Variants in COL4A3 observed in about 807,000 individuals in gnomAD.
COL4A3 encodes the protein collagen alpha-3(IV) chain.
A neutral mutation model predicts 217.4 loss-of-function variants in COL4A3; 135 were observed. That is an observed-to-expected ratio of 0.62 (90% CI 0.54 to 0.72). The LOEUF (loss-of-function observed/expected upper bound fraction) is 0.72. Among genes scored for constraint, COL4A3 ranks in the 30% least tolerant of loss-of-function variants. The pLI is 0.00. For synonymous variants in COL4A3, 690 were observed against 736.3 expected (o/e 0.94, Z 1.02); for missense variants, 1,868 against 2,119.9 (o/e 0.88, Z 2.33).
intron 1 of COL4A3, among the ~76,000 whole-genome samples, chr2:227,218,759 A>G (rs138982011): frequency 6.6e-6 from 1 of 152,232 alleles, no homozygotes; most frequent in East Asian, 1.9e-4. Context: ...GACTTATAAA[A>G]GATATCTGAT....
intron 36 of COL4A3, 40 bp from the exon 37 acceptor site, chr2:227,290,707 T>C (rs755939032): frequency 6.2e-7 from 1 of 1,600,284 alleles, no homozygotes; most frequent in Non-Finnish European, 8.5e-7. Context: ...AAGATCCTCA[T>C]GTTTATCTAT....
At chr2:227,170,704 G>A (rs1204575326) in intron 1 of COL4A3, among the ~76,000 whole-genome samples, 2 of 152,116 alleles carry the variant, frequency 1.3e-5, no homozygotes, top group Non-Finnish European at 2.9e-5. Context: ...CTAAATAAAA[G>A]CAGTAATAGT....
In COL4A3 at chr2:227,282,565, A is replaced by C. The variant is rs373456582; in HGVS notation, c.2656+33A>C. 2 of 1,602,014 alleles carry C rather than the reference A, an allele frequency of 1.2e-6. No individual in the cohort carries two copies. Among genetic ancestry groups the C allele is most frequent in the Non-Finnish European group, 1.7e-6 (2 of 1,170,182 alleles). Reference sequence around the variant, plus strand: ...TTTGTGTGTTTCTATTTTTCTTCTTATTTCTTCTTCTTCTTAAGGTGGCTC... The same window carrying C: ...TTTGTGTGTTTCTATTTTTCTTCTTCTTTCTTCTTCTTCTTAAGGTGGCTC... On this transcript the variant is annotated intron_variant, in intron 32 of 51. Transcript: ENST00000396578. The surrounding 1 kb of genome is among the most constrained non-coding windows in gnomAD (Gnocchi z 4.4).
intron 1 of COL4A3, among the ~76,000 whole-genome samples, chr2:227,218,085 T>TAC (rs1442752705): frequency 1.1e-5 from 1 of 93,722 alleles, no homozygotes; most frequent in Non-Finnish European, 2.2e-5. Flanking sequence ...TATAGCTATA[T>TAC]ATATATATAT....
Position 227,297,701 on chromosome 2 carries a change from G to A in COL4A3, c.3593G>A (p.Gly1198Asp), listed in dbSNP as rs755849032. The A allele has an allele frequency of 1.2e-6, 2 of 1,609,066 alleles. No homozygotes were observed. Among genetic ancestry groups the A allele is most frequent in the Admixed American group, 3.4e-5 (2 of 59,298 alleles). ...GCCAAAGGAGACAGGGGAGCCCCAG[G>A]TTTTCCTGGCCTCCCGGGCAGAAAA... ...QGAKGDRGAP[G>D]FPGLPGRKGA... Residue 1198 changes from glycine to aspartate, a missense_variant, in exon 42 of 52, where the codon GGT becomes GAT. Transcript: ENST00000396578.
intron 1 of COL4A3, among the ~76,000 whole-genome samples, chr2:227,167,252 CAG>C (rs2065310862): frequency 6.6e-6 from 1 of 152,254 alleles, no homozygotes; most frequent in Non-Finnish European, 1.5e-5. Flanking sequence ...TTTCTCAAAA[CAG>C]GGAAATAGCA....
intron 2 of COL4A3, among the ~76,000 whole-genome samples, chr2:227,238,719 TTATC>T (rs2068842656): frequency 1.3e-5 from 2 of 150,666 alleles, no homozygotes; most frequent in Admixed American, 6.7e-5. Flanking sequence ...TTTAAGCTCT[TTATC>T]TAAACTAATT....
Position 227,253,869 on chromosome 2 carries a change from A to G in COL4A3, c.765+231A>G, listed in dbSNP as rs918992003. The stretch of plus-strand genomic sequence containing the variant: ...AGCTTGGGCAACAGAGTGAGACTTC[A>G]TTTAAAAAAAAAAACAACAAAAAAA... On this transcript the variant is annotated intron_variant, in intron 13 of 51. Transcript: ENST00000396578. This position sits in a 1 kb window ranked among gnomAD's most constrained non-coding sequence, Gnocchi z 4.4. Among the ~76,000 whole-genome samples the G allele has an allele frequency of 2.0e-5, 3 of 151,546 alleles. No homozygotes were observed. The highest frequency in any genetic ancestry group is 7.3e-5 in the African/African-American group (3 of 40,928).
Position 227,291,980 on chromosome 2 carries a change from T to C in COL4A3, c.3210+1094T>C, listed in dbSNP as rs2072771598. ...ATAAGCAGAAGTTGCTAACGTGGGA[T>C]TCCATGGACCACTGGGAAAATCTAT... On this transcript the variant is annotated intron_variant, in intron 37 of 51. Transcript: ENST00000396578. Among the ~76,000 whole-genome samples the C allele has an allele frequency of 2.0e-5, 3 of 152,204 alleles. No individual in the cohort carries two copies. In the South Asian group the frequency reaches 6.2e-4, roughly 31 times the overall value.
chr2:227,176,326 C>T (rs755796896), intron 1 of COL4A3, among the ~76,000 whole-genome samples: 5 of 152,158 alleles, frequency 3.3e-5, no homozygotes, highest in South Asian at 2.1e-4. Flanking sequence ...CACATACCAG[C>T]GTCGGTATTG....
At chr2:227,283,504 G>A (rs542713115) in intron 32 of COL4A3, among the ~76,000 whole-genome samples, 10 of 152,218 alleles carry the variant, frequency 6.6e-5, no homozygotes, top group Non-Finnish European at 1.5e-4. Flanking sequence ...CAGGGGCTGG[G>A]AGGATGGAAT....
chr2:227,238,395 A>G (rs1574654182), intron 2 of COL4A3, among the ~76,000 whole-genome samples: 1 of 152,224 alleles, frequency 6.6e-6, no homozygotes, highest in African/African-American at 2.4e-5. Flanking sequence ...TTTGACAGAA[A>G]ATAAACATTG....
Position 227,312,049 on chromosome 2 carries a change from C to A in COL4A3, c.*179C>A. 1 of 1,140,702 alleles carries A rather than the reference C, an allele frequency of 8.8e-7. No individual in the cohort carries two copies. The highest frequency in any genetic ancestry group is 1.5e-5 in the South Asian group (1 of 68,178). 70.7% of individuals were successfully genotyped at this position (1,140,702 alleles called of 1,614,324 possible). On this transcript the variant is annotated 3_prime_UTR_variant, in exon 52 of 52. Transcript: ENST00000396578. The stretch of plus-strand genomic sequence containing the variant: ...AATTCTTTCAAGTCAGTTCTGTGAT[C>A]TGGGTCTCTAATCTGTGCTGTTTCA...
At chr2:227,184,661 A>G (rs1367108956) in intron 1 of COL4A3, among the ~76,000 whole-genome samples, 2 of 152,144 alleles carry the variant, frequency 1.3e-5, no homozygotes, top group Non-Finnish European at 2.9e-5. Context: ...TTAAAATATT[A>G]CTTTACTGTT....
At chr2:227,311,715 T>A in intron 51 of COL4A3, 71 bp from the exon 52 acceptor site, 2 of 1,482,264 alleles carry the variant, frequency 1.3e-6, no homozygotes, top group Non-Finnish European at 1.9e-6. Context: ...TATTCATTAA[T>A]AAAACAAACT....
In COL4A3 at chr2:227,283,786, G is replaced by A. The variant is rs1405848391; in HGVS notation, c.2676G>A (p.Gly892=). 1 of 1,614,222 alleles carries A rather than the reference G, an allele frequency of 6.2e-7. No individual in the cohort carries two copies. Among genetic ancestry groups the A allele is most frequent in the Non-Finnish European group, 8.5e-7 (1 of 1,180,024 alleles). Residue 892 remains glycine (G), a synonymous_variant, in exon 33 of 52, where the codon GGG becomes GGA. Coordinates refer to ENST00000396578, the MANE Select transcript of COL4A3 (RefSeq NM_000091.5). ...LGPPGEDGVI[G]MMGFPGAIGP... ...CCATAGGTGAAGATGGAGTGATTGG[G>A]ATGATGGGCTTTCCTGGAGCCATTG...
At chr2:227,289,871 A>T in intron 35 of COL4A3, 128 bp from the exon 36 acceptor site, 2 of 826,426 alleles carry the variant, frequency 2.4e-6, no homozygotes, top group Non-Finnish European at 4.0e-6. Flanking sequence ...AAGGACAGCT[A>T]GACAAGTGCC....
intron 11 of COL4A3, among the ~76,000 whole-genome samples, chr2:227,252,212 C>CTTTTTTTT (rs72162625): frequency 2.4e-5 from 2 of 82,854 alleles, no homozygotes; most frequent in Admixed American, 1.5e-4. Flanking sequence ...TTCTTTCTTT[C>CTTTTTTTT]TTTTTTTTTT....
At chr2:227,257,561 T>C (rs2070265135) in intron 17 of COL4A3, 42 bp from the exon 18 acceptor site, 1 of 1,542,612 alleles carries the variant, frequency 6.5e-7, no homozygotes, top group East Asian at 2.2e-5. Flanking sequence ...GTAAATACTT[T>C]GGGTGACCAT....
Sources: gnomAD v4.1 joint callset for allele counts (sites outside exome capture counted in the v4.1 genomes callset) on GRCh38, gnomAD v4.1.1 for gene constraint, Gnocchi (gnomAD v3.1) non-coding constraint, MANE v1.5 for transcripts, NCBI Gene and HGNC (gene_info 2026-07-23, HGNC 2026-07-21) for gene names.